SRBD1: variants seen among roughly 807,000 people sequenced by gnomAD.
SRBD1 encodes S1 RNA binding domain 1, also known as S1 RNA-binding domain-containing protein 1.
A neutral mutation model predicts 115.3 loss-of-function variants in SRBD1; 88 were observed. The ratio of observed to expected loss-of-function variants is 0.76; its 90% confidence interval spans 0.64 to 0.91. SRBD1 has a LOEUF of 0.91. SRBD1 is among the 40% of genes least tolerant of loss of function. The pLI, the probability that SRBD1 is intolerant of heterozygous loss-of-function variation, is 0.00. For missense variants in SRBD1, 1,385 were observed against 1,177.4 expected (o/e 1.18, Z -2.58); for synonymous variants, 509 against 407.7 (o/e 1.25, Z -2.99).
chr2:45,573,134 G>A (rs939659887), intron 9 of SRBD1, 73 bp downstream of exon 9: 1 of 1,430,374 alleles, frequency 7.0e-7, no homozygotes, highest in South Asian at 1.5e-5. Context: ...TAAATTCTTA[G>A]TAAAGTAGCA....
intron 19 of SRBD1, among the ~76,000 whole-genome samples, chr2:45,401,959 G>A (rs1667302823): frequency 6.6e-6 from 1 of 152,190 alleles, no homozygotes; most frequent in African/African-American, 2.4e-5. Flanking sequence ...GACTCTGAAG[G>A]CAATTCTCAA....
At chr2:45,568,596 T>C (rs932696370) in intron 9 of SRBD1, among the ~76,000 whole-genome samples, 1 of 152,198 alleles carries the variant, frequency 6.6e-6, no homozygotes, top group Non-Finnish European at 1.5e-5. Flanking sequence ...CAGAAGCCTG[T>C]GTCAATCATA....
rs753349431 is a variant in SRBD1 at position 45,418,553 on chromosome 2, A to G, written c.2157-12T>C. The G allele has an allele frequency of 6.9e-6, 11 of 1,590,436 alleles. No homozygotes were observed. The highest frequency in any genetic ancestry group is 7.7e-6 in the Non-Finnish European group (9 of 1,173,514). ...GTCCTGCAATATGCCTAGAAAAAAA[A>G]AATAAGCAAACTGAAAAAAAGATCT... On this transcript the variant is annotated splice_polypyrimidine_tract_variant and intron_variant, in intron 17 of 20. Coordinates refer to ENST00000263736, the MANE Select transcript of SRBD1 (RefSeq NM_018079.5).
chr2:45,393,005 G>A lies in SRBD1; in HGVS notation c.2638C>T (p.His880Tyr), dbSNP rs1188462895. The change falls in exon 20 of 21, where the codon CAC becomes TAC. Residue 880 changes from histidine to tyrosine, a missense_variant. Transcript: ENST00000263736. ...KIAERLQTTVHTLQVIIDGLS... is the reference protein window; with the variant it reads ...KIAERLQTTVYTLQVIIDGLS... ...CCATCTATGATGACCTGTAAGGTGT[G>A]TACTGTTGTTTGCAATCTTTCTGCA... is the stretch of plus-strand genomic sequence containing the variant. 6.2e-7 allele frequency: 1 copy of A among 1,614,074 alleles called. No homozygotes were observed. The highest frequency in any genetic ancestry group is 8.5e-7 in the Non-Finnish European group (1 of 1,179,950).
At chr2:45,582,113 G>C (rs1482687368) in intron 5 of SRBD1, among the ~76,000 whole-genome samples, 1 of 152,082 alleles carries the variant, frequency 6.6e-6, no homozygotes, top group Non-Finnish European at 1.5e-5. Flanking sequence ...CCTTTATAGT[G>C]GATTCAGTTA....
intron 3 of SRBD1, among the ~76,000 whole-genome samples, chr2:45,601,599 T>C (rs968627554): frequency 1.5e-4 from 23 of 152,252 alleles, no homozygotes; most frequent in African/African-American, 5.5e-4. Flanking sequence ...ATGGTTGTTA[T>C]AAAGATTAAG....
intron 20 of SRBD1, among the ~76,000 whole-genome samples, chr2:45,392,095 C>CT (rs1204410158): frequency 6.6e-6 from 1 of 152,092 alleles, no homozygotes; most frequent in African/African-American, 2.4e-5. Context: ...ATAGTTCTTA[C>CT]TGGGTGTCAT....
At chr2:45,597,292 T>C (rs1378725348) in intron 4 of SRBD1, among the ~76,000 whole-genome samples, 1 of 151,972 alleles carries the variant, frequency 6.6e-6, no homozygotes, top group African/African-American at 2.4e-5. Flanking sequence ...TGGTGGCACA[T>C]GCCTGTGGTT....
At chr2:45,555,357 T>C (rs752061292) in intron 10 of SRBD1, among the ~76,000 whole-genome samples, 8 of 152,048 alleles carry the variant, frequency 5.3e-5, no homozygotes, top group Non-Finnish European at 1.2e-4. Flanking sequence ...GCACTACAGC[T>C]AAGCAACAGA....
chr2:45,413,379 G>A (rs1667664137), intron 18 of SRBD1, 86 bp from the exon 19 acceptor site: 1 of 1,453,122 alleles, frequency 6.9e-7, no homozygotes, highest in Non-Finnish European at 9.2e-7. Flanking sequence ...TTACTTCTCT[G>A]TCATACAAAT....
intron 13 of SRBD1, 21 bp from the exon 14 acceptor site, chr2:45,546,860 G>C (rs755800111): frequency 6.2e-7 from 1 of 1,607,470 alleles, no homozygotes; most frequent in Admixed American, 1.7e-5. Flanking sequence ...GAAACAGAAT[G>C]ACAAACTGAA....
At chr2:45,460,449 G>A (rs796589489) in intron 16 of SRBD1, among the ~76,000 whole-genome samples, 12 of 152,280 alleles carry the variant, frequency 7.9e-5, no homozygotes, top group African/African-American at 2.9e-4. Flanking sequence ...CAGAAGGTTG[G>A]AAGGGAGTCG....
At chr2:45,392,517 G>A (rs964800170) in intron 20 of SRBD1, among the ~76,000 whole-genome samples, 2 of 152,134 alleles carry the variant, frequency 1.3e-5, no homozygotes. Flanking sequence ...TTTGTTCAAT[G>A]GGTTCATTGA....
intron 19 of SRBD1, among the ~76,000 whole-genome samples, chr2:45,394,992 G>A (rs571264826): frequency 1.3e-5 from 2 of 152,312 alleles, no homozygotes; most frequent in South Asian, 2.1e-4. Context: ...TGGACGAACA[G>A]TAGCATACAA....
chr2:45,422,108 G>A (rs1363371121), intron 16 of SRBD1, among the ~76,000 whole-genome samples: 2 of 151,978 alleles, frequency 1.3e-5, no homozygotes, highest in South Asian at 2.1e-4. Flanking sequence ...AATATCTGAG[G>A]AACACAAAAC....
At chr2:45,412,910 C>T (rs1572608563) in intron 19 of SRBD1, among the ~76,000 whole-genome samples, 1 of 152,184 alleles carries the variant, frequency 6.6e-6, no homozygotes, top group Non-Finnish European at 1.5e-5. Flanking sequence ...GGTTTATTAG[C>T]TTGACAATGC....
At chr2:45,572,342 TA>T (rs560162264) in intron 9 of SRBD1, among the ~76,000 whole-genome samples, 2 of 152,240 alleles carry the variant, frequency 1.3e-5, no homozygotes, top group South Asian at 4.2e-4. Context: ...TTTTGCATGA[TA>T]AAAAAATTGC....
intron 10 of SRBD1, among the ~76,000 whole-genome samples, chr2:45,561,604 G>C (rs1231222733): frequency 6.6e-6 from 1 of 152,166 alleles, no homozygotes; most frequent in Non-Finnish European, 1.5e-5. Context: ...TCTCCTAGCT[G>C]CTAGGAAGCC....
At chr2:45,563,017 T>A (rs17322785) in intron 9 of SRBD1, among the ~76,000 whole-genome samples, 2 of 152,008 alleles carry the variant, frequency 1.3e-5, no homozygotes, top group Admixed American at 6.5e-5. Context: ...TCTAAAAATC[T>A]CATTTCAGAT....
Sources: allele counts gnomAD v4.1 joint callset (sites outside exome capture counted in the v4.1 genomes callset), GRCh38; gene constraint gnomAD v4.1.1; transcripts MANE v1.5; gene names NCBI Gene and HGNC (gene_info 2026-07-23, HGNC 2026-07-21).